Variants in GPR161 observed in about 807,000 individuals in gnomAD.
GPR161 encodes G protein-coupled receptor 161, also known as G-protein coupled receptor RE2.
A neutral mutation model predicts 39.2 loss-of-function variants in GPR161; 25 were observed. That is an observed-to-expected ratio of 0.64 (90% CI 0.47 to 0.89). The LOEUF is 0.89. Among genes scored for constraint, GPR161 ranks in the 40% least tolerant of loss-of-function variants. The pLI is 0.00. For missense variants in GPR161, 547 were observed against 677.8 expected (o/e 0.81, Z 2.14); for synonymous variants, 286 against 276.6 (o/e 1.03, Z -0.34).
chr1:168,087,811 C>G (rs1355045125), intron 4 of GPR161, 107 bp from the exon 5 acceptor site: 1 of 1,176,148 alleles, frequency 8.5e-7, no homozygotes, highest in African/African-American at 1.5e-5. Flanking sequence ...TTCATCCAAA[C>G]CCATCATCAA....
rs1694382319 is a variant in GPR161 at position 168,085,454 on chromosome 1, G to T, written c.*77C>A. The T allele has an allele frequency of 1.4e-6, 2 of 1,401,656 alleles. No homozygotes were observed. Among genetic ancestry groups the T allele is most frequent in the East Asian group, 2.3e-5 (1 of 43,626 alleles). The allele number at this position is 1,401,656 out of a possible 1,614,324, so 86.8% of individuals were successfully genotyped here. ...CTGTACACAGTGACATGCTCCCAAG[G>T]CCGCGGCACAGGCGGTGATGGGAAC... On this transcript the variant is annotated 3_prime_UTR_variant, in exon 6 of 6. Coordinates refer to ENST00000682931, the MANE Select transcript of GPR161 (RefSeq NM_001375883.1).
intron 1 of GPR161, among the ~76,000 whole-genome samples, chr1:168,134,538 C>T (rs1699221356): frequency 6.6e-6 from 1 of 152,156 alleles, no homozygotes; most frequent in African/African-American, 2.4e-5. Context: ...CACCATTTCT[C>T]CCCTGCTGTC....
chr1:168,125,004 T>C (rs904047183), intron 1 of GPR161, among the ~76,000 whole-genome samples: 9 of 152,248 alleles, frequency 5.9e-5, no homozygotes, highest in African/African-American at 2.2e-4. Context: ...CATGTATTCC[T>C]GTATAGCAAC....
At position 168,081,617 on chromosome 1, in the gene GPR161, A is replaced by G. The variant is rs757073190; in HGVS notation, c.*3914T>C. The stretch of plus-strand genomic sequence containing the variant: ...ACTAAACTTCCCTTCACAGATGAGG[A>G]AACTCATAAGTAGTGACTTGTTTGA... On this transcript the variant is annotated 3_prime_UTR_variant, in exon 6 of 6. Coordinates refer to ENST00000682931, the MANE Select transcript of GPR161 (RefSeq NM_001375883.1). The G allele has an allele frequency of 1.3e-5, 2 of 152,242 alleles. No homozygotes were observed. Among genetic ancestry groups the G allele is most frequent in the African/African-American group, 2.4e-5 (1 of 41,458 alleles). The allele number at this position is 152,242 out of a possible 1,614,324, so 9.4% of individuals were successfully genotyped here.
intron 1 of GPR161, among the ~76,000 whole-genome samples, chr1:168,131,099 A>T (rs1698953699): frequency 6.6e-6 from 1 of 152,136 alleles, no homozygotes; most frequent in South Asian, 2.1e-4. Context: ...CCAATGCATC[A>T]CTAGTTCTCA....
At chr1:168,102,536 C>T (rs1340197501) in intron 2 of GPR161, among the ~76,000 whole-genome samples, 1 of 152,086 alleles carries the variant, frequency 6.6e-6, no homozygotes, top group Non-Finnish European at 1.5e-5. Context: ...GAAATAAGGC[C>T]CTGAAAGAGG....
intron 1 of GPR161, among the ~76,000 whole-genome samples, chr1:168,121,848 C>A (rs955057137): frequency 6.6e-6 from 1 of 152,218 alleles, no homozygotes; most frequent in Non-Finnish European, 1.5e-5. Context: ...TTGAGGAAGC[C>A]TCCACAGACA....
chr1:168,106,828 T>C (rs369357679), intron 1 of GPR161, among the ~76,000 whole-genome samples: 13 of 152,344 alleles, frequency 8.5e-5, no homozygotes, highest in African/African-American at 1.2e-4. Flanking sequence ...TTATGTAACA[T>C]ATTAGTTACT....
chr1:168,128,459 T>C (rs1272537863), intron 1 of GPR161, among the ~76,000 whole-genome samples: 1 of 152,202 alleles, frequency 6.6e-6, no homozygotes, highest in Non-Finnish European at 1.5e-5. Context: ...AATTATCCGG[T>C]CAAAAACGTC....
At chr1:168,101,210 T>C (rs1696073910) in intron 2 of GPR161, among the ~76,000 whole-genome samples, 1 of 152,064 alleles carries the variant, frequency 6.6e-6, no homozygotes, top group Non-Finnish European at 1.5e-5. Context: ...ACAGGTGCCA[T>C]GTTGGTGTAC....
chr1:168,087,862 C>A, intron 4 of GPR161, 158 bp from the exon 5 acceptor site: 1 of 646,952 alleles, frequency 1.5e-6, no homozygotes, highest in Non-Finnish European at 2.5e-6. Flanking sequence ...AAGAAACACC[C>A]GCCTGTCATC....
At chr1:168,108,486 T>TAGAAAAAAAAAAA (rs1696823923) in intron 1 of GPR161, among the ~76,000 whole-genome samples, 1 of 17,478 alleles carries the variant, frequency 5.7e-5, no homozygotes, top group Non-Finnish European at 8.8e-5. Context: ...GCCCTAGTTG[T>TAGAAAAAAAAAAA]AAAAAAAAAA....
intron 3 of GPR161, among the ~76,000 whole-genome samples, chr1:168,094,701 A>T (rs760596226): frequency 2.0e-5 from 3 of 152,252 alleles, no homozygotes; most frequent in Non-Finnish European, 4.4e-5. Context: ...GCCCGAAGTC[A>T]TCTGGCAAGA....
At chr1:168,134,882 G>A (rs1312378962) in intron 1 of GPR161, 1 of 1,533,362 alleles carries the variant, frequency 6.5e-7, no homozygotes. Context: ...TGCTGGCAGT[G>A]GAGTTTACAC....
chr1:168,131,367 A>T (rs1395859126), intron 1 of GPR161, among the ~76,000 whole-genome samples: 1 of 152,166 alleles, frequency 6.6e-6, no homozygotes, highest in Non-Finnish European at 1.5e-5. Context: ...AATTGCTCAC[A>T]GTTCTCCAAA....
chr1:168,136,764 A>AGGCCCC lies in GPR161; in HGVS notation c.-76_-71dup. Reference sequence around the variant, plus strand: ...CGAGGAGCGGCCGCCGCGGCAGCTCAGGCCCCGGCCCAGCCGCCTCCCCGC... The same window carrying AGGCCCC: ...CGAGGAGCGGCCGCCGCGGCAGCTCAGGCCCCGGCCCCGGCCCAGCCGCCTCCCCGC... On this transcript the variant is annotated 5_prime_UTR_variant, in exon 1 of 6. Coordinates refer to ENST00000682931, the MANE Select transcript of GPR161 (RefSeq NM_001375883.1). The AGGCCCC allele has an allele frequency of 1.1e-5, 11 of 989,148 alleles. No homozygotes were observed. The highest frequency in any genetic ancestry group is 1.2e-5 in the Non-Finnish European group (10 of 833,734). The allele number at this position is 989,148 out of a possible 1,614,324, so 61.3% of individuals were successfully genotyped here.
rs561876450 is a variant in GPR161, at chr1:168,092,049, C to T, written c.1100-1381G>A. Among the ~76,000 whole-genome samples, 68 of 152,266 alleles carry T rather than the reference C, an allele frequency of 4.5e-4. 1 individual carries two copies. In the South Asian group the frequency reaches 9.1e-3, roughly 20 times the overall value. On this transcript the variant is annotated intron_variant, in intron 3 of 5. Coordinates refer to ENST00000682931, the MANE Select transcript of GPR161 (RefSeq NM_001375883.1). The stretch of plus-strand genomic sequence containing the variant: ...CCAAGGAGGACATGGTGTGGGAAGG[C>T]GGGGTGGTCACAGCAGGCTTCTCTC...
Position 168,103,223 on chromosome 1 carries a change from G to C in GPR161, c.374+1254C>G, listed in dbSNP as rs192944752. On this transcript the variant is annotated intron_variant, in intron 2 of 5. Coordinates refer to ENST00000682931, the MANE Select transcript of GPR161 (RefSeq NM_001375883.1). ...TCTTCAAGGATATTTGAAAATAAGA[G>C]AAAATGCTCACCATCACCTAAATGA... 1.6e-3 allele frequency among the ~76,000 whole-genome samples: 248 copies of C among 152,158 alleles called. 3 individuals are homozygous for C. Among genetic ancestry groups the C allele is most frequent in the Non-Finnish European group, 1.7e-3 (116 of 67,982 alleles).
rs535860639 is a variant in GPR161, at chr1:168,123,918, T to C, written c.-45+12821A>G. Among the ~76,000 whole-genome samples the C allele has an allele frequency of 1.6e-4, 25 of 152,354 alleles. 1 individual carries two copies. On this transcript the variant is annotated intron_variant, in intron 1 of 5. Coordinates refer to ENST00000682931, the MANE Select transcript of GPR161 (RefSeq NM_001375883.1). ...TGAAGCCACTACACCCAGCCCCAGCTAGTCAACCCCTTTTTGGTTAAGTCC... is the reference window on the plus strand; with the variant it reads ...TGAAGCCACTACACCCAGCCCCAGCCAGTCAACCCCTTTTTGGTTAAGTCC...
Sources: allele counts gnomAD v4.1 joint callset (sites outside exome capture counted in the v4.1 genomes callset), GRCh38; gene constraint gnomAD v4.1.1; transcripts MANE v1.5; gene names NCBI Gene and HGNC (gene_info 2026-07-23, HGNC 2026-07-21).